The following BTBD9 variants were observed in gnomAD, a reference collection of about 807,000 sequenced individuals.
BTBD9 encodes the protein BTB/POZ domain-containing protein 9.
BTBD9 carries 49 observed loss-of-function variants against 64.3 expected under a neutral mutation model. That is an observed-to-expected ratio of 0.76 (90% CI 0.61 to 0.97). BTBD9 has a LOEUF of 0.97. BTBD9 is among the 50% of genes least tolerant of loss of function. BTBD9 has a pLI of 0.00. For synonymous variants in BTBD9, 260 were observed against 274.7 expected, an observed-to-expected ratio of 0.95 and a Z score of 0.53; for missense variants, 598 against 762.1, an observed-to-expected ratio of 0.78 and a Z score of 2.53.
chr6:38,609,194 A>C (rs1777530770), intron 1 of BTBD9, among the ~76,000 whole-genome samples: 1 of 152,142 alleles, frequency 6.6e-6, no homozygotes, highest in African/African-American at 2.4e-5. Flanking sequence ...ATGAAACCTC[A>C]TCTCTTCAAA....
At position 38,192,503 on chromosome 6, in the gene BTBD9, GAA is replaced by G. The variant is rs768004247; in HGVS notation, c.1641+14_1641+15del. 8.7e-6 allele frequency: 14 copies of G among 1,608,540 alleles called. No homozygotes were observed. The African/African-American group carries it at 1.1e-4, about 12-fold the overall frequency. On this transcript the variant is annotated intron_variant, in intron 10 of 10. Transcript: ENST00000481247. ...CATGAAATCTCATGGCACCTCTCAT[GAA>G]AAGAGACCCTTACCTCATTTGCTGT...
intron 1 of BTBD9, among the ~76,000 whole-genome samples, chr6:38,626,549 T>C (rs975348101): frequency 3.3e-5 from 5 of 152,198 alleles, no homozygotes; most frequent in Admixed American, 2.0e-4. Flanking sequence ...GGTCAACACA[T>C]GTTTGCATGG....
chr6:38,198,703 A>ATTTG, intron 9 of BTBD9, among the ~76,000 whole-genome samples: 1 of 152,270 alleles, frequency 6.6e-6, no homozygotes, highest in South Asian at 2.1e-4. Flanking sequence ...CTAGGGCCAG[A>ATTTG]CTGGCAAGTA....
intron 6 of BTBD9, among the ~76,000 whole-genome samples, chr6:38,345,766 C>T (rs1764255181): frequency 6.6e-6 from 1 of 152,250 alleles, no homozygotes; most frequent in Non-Finnish European, 1.5e-5. Flanking sequence ...GTGAATCTGG[C>T]ACCTGCACAC....
intron 6 of BTBD9, among the ~76,000 whole-genome samples, chr6:38,403,972 C>T (rs565201827): frequency 6.6e-6 from 1 of 152,162 alleles, no homozygotes; most frequent in South Asian, 2.1e-4. Flanking sequence ...TAAAAGAAGC[C>T]AGACACAAAA....
intron 6 of BTBD9, among the ~76,000 whole-genome samples, chr6:38,373,576 G>A (rs1456744193): frequency 1.3e-5 from 2 of 152,148 alleles, no homozygotes; most frequent in African/African-American, 4.8e-5. Context: ...CTGTCACCCA[G>A]GCTGGAGTGT....
chr6:38,591,892 T>A (rs1776808213), intron 4 of BTBD9, among the ~76,000 whole-genome samples: 1 of 152,116 alleles, frequency 6.6e-6, no homozygotes. Context: ...TTATTTAGAA[T>A]CTCCATGTTC....
At chr6:38,297,526 T>C (rs1762202988) in intron 7 of BTBD9, among the ~76,000 whole-genome samples, 1 of 152,218 alleles carries the variant, frequency 6.6e-6, no homozygotes, top group South Asian at 2.1e-4. Context: ...CATTATGTAT[T>C]ACTGTTCGTT....
At chr6:38,399,794 C>T (rs543384621) in intron 6 of BTBD9, among the ~76,000 whole-genome samples, 1 of 152,190 alleles carries the variant, frequency 6.6e-6, no homozygotes, top group South Asian at 2.1e-4. Context: ...TCTTGTTGCC[C>T]AGGCTGGAGT....
intron 6 of BTBD9, among the ~76,000 whole-genome samples, chr6:38,525,276 C>A (rs551746549): frequency 6.6e-6 from 1 of 152,292 alleles, no homozygotes; most frequent in East Asian, 1.9e-4. Flanking sequence ...TCTCCTGCAA[C>A]CTTGTAAAGA....
At chr6:38,367,879 C>G (rs1369365905) in intron 6 of BTBD9, among the ~76,000 whole-genome samples, 1 of 144,678 alleles carries the variant, frequency 6.9e-6, no homozygotes, top group East Asian at 2.3e-4. Flanking sequence ...TCTGTGTATC[C>G]ATAGTAAACT....
At chr6:38,211,647 G>A (rs1027369435) in intron 9 of BTBD9, among the ~76,000 whole-genome samples, 2 of 151,858 alleles carry the variant, frequency 1.3e-5, no homozygotes, top group Non-Finnish European at 2.9e-5. Flanking sequence ...AGGAGGCGGA[G>A]GCACGAGACT....
At chr6:38,540,885 G>A (rs1774237524) in intron 6 of BTBD9, among the ~76,000 whole-genome samples, 1 of 152,188 alleles carries the variant, frequency 6.6e-6, no homozygotes, top group South Asian at 2.1e-4. Flanking sequence ...GCAAAGCAGA[G>A]CTGTGATGTA....
Position 38,594,144 on chromosome 6 carries a change from T to C in BTBD9, c.369A>G (p.Pro123=). 5 of 1,614,212 alleles carry C rather than the reference T, an allele frequency of 3.1e-6. No individual in the cohort carries two copies. The highest frequency in any genetic ancestry group is 4.2e-6 in the Non-Finnish European group (5 of 1,180,032). The part of the protein sequence containing the change: ...FLSLAHKYGF[P]ELEDSTSEYL... ...ACTCAGAGGTAGAATCCTCTAGCTC[T>C]GGAAATCCATATTTATGAGCCAGGC... The change falls in exon 3 of 11, where the codon CCA becomes CCG. Residue 123 remains proline, a synonymous_variant. Transcript: ENST00000481247.
chr6:38,581,038 C>T (rs191860619), intron 4 of BTBD9, among the ~76,000 whole-genome samples: 114 of 152,122 alleles, frequency 7.5e-4, no homozygotes, highest in African/African-American at 2.7e-3. Flanking sequence ...ACTAACAATA[C>T]AAAATTAGCC....
chr6:38,307,146 T>C (rs375910917), intron 7 of BTBD9, among the ~76,000 whole-genome samples: 1 of 152,334 alleles, frequency 6.6e-6, no homozygotes, highest in African/African-American at 2.4e-5. Context: ...CAGGAATTTG[T>C]TGCTGATCAG....
At chr6:38,594,490 G>T (rs1185454066) in intron 2 of BTBD9, 163 bp from the exon 3 acceptor site, 5 of 776,186 alleles carry the variant, frequency 6.4e-6, no homozygotes, top group Non-Finnish European at 9.7e-6. Context: ...TTCTTTACAG[G>T]ACACAAGAGG....
At chr6:38,511,680 A>G (rs984758176) in intron 6 of BTBD9, among the ~76,000 whole-genome samples, 1 of 152,068 alleles carries the variant, frequency 6.6e-6, no homozygotes, top group Non-Finnish European at 1.5e-5. Context: ...TATCTAAATT[A>G]TGATGATTAA....
Position 38,413,698 on chromosome 6 carries a change from C to CT in BTBD9, c.1155-68606dup, listed in dbSNP as rs533443061. On this transcript the variant is annotated intron_variant, in intron 6 of 10. Transcript: ENST00000481247. ...TGTACAAACATTCTAGGACTTCATG[C>CT]TTTTTTTAAAGAGTAGTGTATCCCA... is the stretch of plus-strand genomic sequence containing the variant. Among the ~76,000 whole-genome samples the CT allele has an allele frequency of 3.9e-5, 6 of 152,200 alleles. No homozygotes were observed. In the South Asian group the frequency reaches 1.2e-3, roughly 32 times the overall value.
Sources: gnomAD v4.1 joint callset for allele counts (sites outside exome capture counted in the v4.1 genomes callset) on GRCh38, gnomAD v4.1.1 for gene constraint, MANE v1.5 for transcripts, NCBI Gene and HGNC (gene_info 2026-07-23, HGNC 2026-07-21) for gene names.